PCDHA8: variants seen among roughly 807,000 people sequenced by gnomAD.
PCDHA8 encodes the protein protocadherin alpha 8.
Under a neutral mutation model 61.8 loss-of-function variants are expected in PCDHA8, and 53 were observed. That is an observed-to-expected ratio of 0.86 (90% CI 0.69 to 1.08). The LOEUF (loss-of-function observed/expected upper bound fraction) is 1.08. PCDHA8 is among the 50% of genes least tolerant of loss of function. The pLI, the probability that PCDHA8 is intolerant of heterozygous loss-of-function variation, is 0.00. For missense variants in PCDHA8, 1,293 were observed against 1,245.0 expected (o/e 1.04, Z -0.58); for synonymous variants, 618 against 556.6 (o/e 1.11, Z -1.55).
chr5:140,848,720 G>A, intron 1 of PCDHA8: 1 of 1,592,556 alleles, frequency 6.3e-7, no homozygotes, highest in Non-Finnish European at 8.6e-7. Flanking sequence ...GGGACCTTCT[G>A]GAGGTAAATC....
intron 1 of PCDHA8, among the ~76,000 whole-genome samples, chr5:140,957,750 TGTTCATTATATATGTTAAGTAAAAACTAA>T (rs1477515057): frequency 6.6e-6 from 1 of 152,128 alleles, no homozygotes; most frequent in African/African-American, 2.4e-5. Context: ...CATGAAAGGA[TGTTCATTATATATGTTAAGTAAAAACTAA>T]GTTCATCATA....
At chr5:140,966,736 T>A in intron 1 of PCDHA8, 1 of 1,418,140 alleles carries the variant, frequency 7.1e-7, no homozygotes, top group Non-Finnish European at 9.2e-7. Context: ...CCTCCGGCCC[T>A]GCCCGGCTGC....
intron 1 of PCDHA8, among the ~76,000 whole-genome samples, chr5:140,890,111 A>G (rs1365246358): frequency 6.6e-6 from 1 of 152,194 alleles, no homozygotes; most frequent in Admixed American, 6.5e-5. Context: ...TCTGGATTCA[A>G]TGATGTCACT....
chr5:140,851,336 A>C, intron 1 of PCDHA8: 1 of 979,180 alleles, frequency 1.0e-6, no homozygotes, highest in Non-Finnish European at 1.2e-6. Context: ...GTAGTTCTCT[A>C]CATTTCTCTG....
At chr5:140,890,204 CT>C (rs1256018806) in intron 1 of PCDHA8, among the ~76,000 whole-genome samples, 2 of 151,984 alleles carry the variant, frequency 1.3e-5, no homozygotes, top group African/African-American at 4.8e-5. Context: ...TTTTGTTTTT[CT>C]TTTTTCCCAG....
At chr5:140,882,252 G>C (rs782433822) in intron 1 of PCDHA8, 1 of 1,597,600 alleles carries the variant, frequency 6.3e-7, no homozygotes, top group Non-Finnish European at 8.5e-7. Context: ...ATAGCTCTGA[G>C]GTTTTTGGAG....
chr5:140,852,729 T>C, intron 1 of PCDHA8: 1 of 983,952 alleles, frequency 1.0e-6, no homozygotes, highest in South Asian at 4.8e-5. Flanking sequence ...TTTTTCAAGT[T>C]TCATGTGCCA....
At chr5:140,984,339 A>G (rs956761683) in intron 3 of PCDHA8, among the ~76,000 whole-genome samples, 2 of 152,246 alleles carry the variant, frequency 1.3e-5, no homozygotes, top group Non-Finnish European at 2.9e-5. Context: ...AATAGGAACC[A>G]TGTATTGATA....
rs943373745 is a variant in PCDHA8 at position 140,935,260 on chromosome 5, G to A, written c.2395-43689G>A. Among the ~76,000 whole-genome samples the A allele has an allele frequency of 3.3e-5, 5 of 152,168 alleles. No individual in the cohort carries two copies. In the South Asian group the frequency reaches 8.3e-4, roughly 25 times the overall value. On this transcript the variant is annotated intron_variant, in intron 1 of 3. Transcript: ENST00000531613. ...TTTTAAAAGATAAAATACATCACAT[G>A]TTTATACTAATCTAATAAAGTTCAG... is the stretch of plus-strand genomic sequence containing the variant.
chr5:140,958,137 A>G (rs1237826000), intron 1 of PCDHA8, among the ~76,000 whole-genome samples: 2 of 152,112 alleles, frequency 1.3e-5, no homozygotes, highest in Admixed American at 6.6e-5. Flanking sequence ...ATCAGTGTGT[A>G]TATTTATATA....
At chr5:140,861,384 C>A in intron 1 of PCDHA8, 1 of 437,328 alleles carries the variant, frequency 2.3e-6, no homozygotes, top group Non-Finnish European at 4.7e-6. Flanking sequence ...TGCGCAGGAC[C>A]TGGGTCTGGA....
chr5:141,007,416 AAATT>A (rs2098327486), intron 3 of PCDHA8, among the ~76,000 whole-genome samples: 1 of 149,348 alleles, frequency 6.7e-6, no homozygotes, highest in Non-Finnish European at 1.5e-5. Context: ...AAAAAAAAAA[AAATT>A]AGCCAGGCAT....
chr5:140,902,197 C>T (rs868992860), intron 1 of PCDHA8, among the ~76,000 whole-genome samples: 1 of 143,684 alleles, frequency 7.0e-6, no homozygotes, highest in African/African-American at 2.6e-5. Context: ...CTCTCTCTCT[C>T]TCTTTCTTTT....
intron 1 of PCDHA8, among the ~76,000 whole-genome samples, chr5:140,976,889 T>A (rs2096736169): frequency 6.6e-6 from 1 of 152,218 alleles, no homozygotes; most frequent in Admixed American, 6.5e-5. Context: ...TTAGGATACA[T>A]GCAACAGTAT....
chr5:141,003,457 G>A (rs769049189), intron 3 of PCDHA8, among the ~76,000 whole-genome samples: 1 of 152,136 alleles, frequency 6.6e-6, no homozygotes, highest in Non-Finnish European at 1.5e-5. Flanking sequence ...AATTACAGGC[G>A]TGCACCACCA....
chr5:140,867,131 T>A (rs769857763), intron 1 of PCDHA8: 12 of 152,188 alleles, frequency 7.9e-5, no homozygotes, highest in African/African-American at 2.9e-4. Context: ...TTCAAATATG[T>A]GATATTATCA....
In PCDHA8 at chr5:140,843,453, T is replaced by A. The variant is rs1554140092; in HGVS notation, c.2132T>A (p.Leu711Gln). Reference sequence around the variant, plus strand: ...GCCATCTGCGCGGTATCCAGCCTGCTGGTGCTCACGCTGCTGCTGTACACT... The same window carrying A: ...GCCATCTGCGCGGTATCCAGCCTGCAGGTGCTCACGCTGCTGCTGTACACT... ...IIAICAVSSL[L>Q]VLTLLLYTAL... is the part of the protein sequence containing the mutation. Residue 711 changes from leucine (L) to glutamine (Q), a missense_variant, in exon 1 of 4, where the codon CTG (leucine) becomes CAG (glutamine). Leu to Gln is a moderately radical substitution (Grantham distance 113, BLOSUM62 -2). Coordinates refer to ENST00000531613, the MANE Select transcript of PCDHA8 (RefSeq NM_018911.3). 5.6e-6 allele frequency: 9 copies of A among 1,596,126 alleles called. No individual in the cohort carries two copies. Among genetic ancestry groups the A allele is most frequent in the Non-Finnish European group, 7.7e-6 (9 of 1,165,636 alleles).
chr5:140,934,912 T>C (rs534779508), intron 1 of PCDHA8, among the ~76,000 whole-genome samples: 1 of 152,318 alleles, frequency 6.6e-6, no homozygotes, highest in Admixed American at 6.5e-5. Context: ...GGAATAATTA[T>C]GGATTCACAT....
At position 141,010,550 on chromosome 5, in the gene PCDHA8, ACCCC is replaced by A; in HGVS notation, c.*615_*618del. 6.3e-6 allele frequency: 2 copies of A among 316,712 alleles called. No homozygotes were observed. Among genetic ancestry groups the A allele is most frequent in the South Asian group, 1.1e-4 (2 of 17,516 alleles). The allele number at this position is 316,712 out of a possible 1,614,324, so 19.6% of individuals were successfully genotyped here. A position where few individuals can be genotyped will look rare whatever the true frequency, so the allele number is the denominator to read the frequency against. On this transcript the variant is annotated 3_prime_UTR_variant, in exon 4 of 4. Coordinates refer to ENST00000531613, the MANE Select transcript of PCDHA8 (RefSeq NM_018911.3). ...CAGCCACCCTCTAGGAGACAAAACT[ACCCC>A]CACTGACAAGGCTTTAGGAGACCCT...
Sources: allele counts gnomAD v4.1 joint callset (sites outside exome capture counted in the v4.1 genomes callset), GRCh38; gene constraint gnomAD v4.1.1; transcripts MANE v1.5; gene names NCBI Gene and HGNC (gene_info 2026-07-23, HGNC 2026-07-21).